AGBL4: variants seen among roughly 807,000 people sequenced by gnomAD.
The protein encoded by AGBL4 is AGBL carboxypeptidase 4, also known as cytosolic carboxypeptidase 6.
Under a neutral mutation model 66.4 loss-of-function variants are expected in AGBL4, and 58 were observed. That is an observed-to-expected ratio of 0.87 (90% CI 0.71 to 1.09). The LOEUF is 1.09. Ranked by LOEUF, AGBL4 falls within the 50% of genes least tolerant of loss-of-function variation. AGBL4 has a pLI of 0.00. For synonymous variants in AGBL4, 234 were observed against 222.9 expected (o/e 1.05, Z -0.44); for missense variants, 579 against 631.0 (o/e 0.92, Z 0.88).
chr1:48,696,392 A>G (rs899096184), intron 6 of AGBL4, among the ~76,000 whole-genome samples: 1 of 152,182 alleles, frequency 6.6e-6, no homozygotes. Flanking sequence ...TAGGACCTGG[A>G]AGGATCTATG....
intron 6 of AGBL4, among the ~76,000 whole-genome samples, chr1:48,859,370 G>A (rs180740513): frequency 4.6e-5 from 7 of 152,294 alleles, no homozygotes; most frequent in Admixed American, 6.5e-5. Context: ...GTATAACTAT[G>A]TAGCTTATTT....
At chr1:49,894,306 C>T (rs143650813) in intron 1 of AGBL4, among the ~76,000 whole-genome samples, 97 of 152,152 alleles carry the variant, frequency 6.4e-4, no homozygotes, top group African/African-American at 2.2e-3. Flanking sequence ...CTCTTCAATG[C>T]CTGGACATGA....
chr1:48,561,924 T>C (rs1644402607), intron 11 of AGBL4, among the ~76,000 whole-genome samples: 1 of 152,204 alleles, frequency 6.6e-6, no homozygotes, highest in South Asian at 2.1e-4. Flanking sequence ...CAATTCTTTA[T>C]AATAAATGTC....
intron 1 of AGBL4, among the ~76,000 whole-genome samples, chr1:50,019,701 A>T (rs1245814836): frequency 6.6e-6 from 1 of 152,132 alleles, no homozygotes; most frequent in African/African-American, 2.4e-5. Context: ...GCTTCCACAG[A>T]ATAACTTGAC....
intron 2 of AGBL4, among the ~76,000 whole-genome samples, chr1:49,824,158 G>A (rs550803130): frequency 2.0e-3 from 311 of 152,190 alleles, no homozygotes; most frequent in African/African-American, 7.2e-3. Flanking sequence ...GCAGTGAGCC[G>A]AGATCGCGCA....
intron 4 of AGBL4, among the ~76,000 whole-genome samples, chr1:49,079,357 T>C (rs1644765885): frequency 6.6e-6 from 1 of 152,142 alleles, no homozygotes; most frequent in Admixed American, 6.5e-5. Flanking sequence ...TGACTCACCA[T>C]GCCACATGCC....
chr1:49,052,583 A>C (rs1644239323), intron 4 of AGBL4, among the ~76,000 whole-genome samples: 1 of 152,168 alleles, frequency 6.6e-6, no homozygotes, highest in South Asian at 2.1e-4. Flanking sequence ...GGGATGGTAC[A>C]TGAGGCAGTA....
chr1:48,877,860 A>G (rs1208007783), intron 5 of AGBL4, among the ~76,000 whole-genome samples: 1 of 152,150 alleles, frequency 6.6e-6, no homozygotes, highest in Non-Finnish European at 1.5e-5. Flanking sequence ...GCTCTGGGCC[A>G]TAGATCAGAG....
intron 6 of AGBL4, among the ~76,000 whole-genome samples, chr1:48,730,629 T>C (rs1306950762): frequency 3.3e-5 from 5 of 152,170 alleles, no homozygotes; most frequent in Admixed American, 2.6e-4. Context: ...AGAATTTCAA[T>C]CATTCTCATT....
At chr1:49,714,993 T>C (rs1647983723) in intron 2 of AGBL4, among the ~76,000 whole-genome samples, 1 of 152,144 alleles carries the variant, frequency 6.6e-6, no homozygotes, top group Non-Finnish European at 1.5e-5. Context: ...ATACTTTAAG[T>C]TCTGGGATAC....
chr1:49,676,094 G>T (rs556236948), intron 3 of AGBL4, among the ~76,000 whole-genome samples: 8 of 152,070 alleles, frequency 5.3e-5, no homozygotes, highest in Admixed American at 1.3e-4. Flanking sequence ...TTCTTATTTT[G>T]CAGATGAGAA....
At chr1:48,999,537 G>A (rs1037976366) in intron 5 of AGBL4, among the ~76,000 whole-genome samples, 1 of 152,140 alleles carries the variant, frequency 6.6e-6, no homozygotes, top group African/African-American at 2.4e-5. Flanking sequence ...GAAGTGAAAG[G>A]AATGCACTTG....
At chr1:49,998,623 G>C (rs1445966039) in intron 1 of AGBL4, among the ~76,000 whole-genome samples, 1 of 151,820 alleles carries the variant, frequency 6.6e-6, no homozygotes, top group African/African-American at 2.4e-5. Flanking sequence ...AACCAGGAAA[G>C]GACATAACAA....
intron 11 of AGBL4, among the ~76,000 whole-genome samples, chr1:48,549,729 A>T (rs1644221167): frequency 6.6e-6 from 1 of 152,070 alleles, no homozygotes. Flanking sequence ...GCAGAGAGAG[A>T]AAAACAGGGA....
intron 4 of AGBL4, among the ~76,000 whole-genome samples, chr1:49,062,275 C>T (rs1460567411): frequency 6.6e-6 from 1 of 152,176 alleles, no homozygotes; most frequent in Non-Finnish European, 1.5e-5. Flanking sequence ...TATCTTTGGT[C>T]TCACTTCCTC....
At chr1:48,939,442 AT>A (rs1297812400) in intron 5 of AGBL4, among the ~76,000 whole-genome samples, 1 of 152,208 alleles carries the variant, frequency 6.6e-6, no homozygotes, top group African/African-American at 2.4e-5. Context: ...TCAGCATTTC[AT>A]TTTAGCACTT....
intron 3 of AGBL4, among the ~76,000 whole-genome samples, chr1:49,553,616 G>A (rs1466815390): frequency 6.6e-6 from 1 of 152,048 alleles, no homozygotes; most frequent in African/African-American, 2.4e-5. Flanking sequence ...TGTATTATCA[G>A]CGAAAAGACC....
At chr1:49,897,859 T>C (rs1414764405) in intron 1 of AGBL4, among the ~76,000 whole-genome samples, 3 of 151,800 alleles carry the variant, frequency 2.0e-5, no homozygotes, top group East Asian at 1.9e-4. Context: ...GCAAAGAACA[T>C]ACATTAGGGA....
intron 8 of AGBL4, among the ~76,000 whole-genome samples, chr1:48,641,825 GT>G (rs1185604064): frequency 6.6e-6 from 1 of 152,166 alleles, no homozygotes; most frequent in African/African-American, 2.4e-5. Context: ...ATTATACTCT[GT>G]CTTAGCAGTC....
Sources: allele counts gnomAD v4.1 joint callset (sites outside exome capture counted in the v4.1 genomes callset), GRCh38; gene constraint gnomAD v4.1.1; transcripts MANE v1.5; gene names NCBI Gene and HGNC (gene_info 2026-07-23, HGNC 2026-07-21).